KCNK6: variants seen among roughly 807,000 people sequenced by gnomAD.
KCNK6 encodes potassium two pore domain channel subfamily K member 6.
A neutral mutation model predicts 21.9 loss-of-function variants in KCNK6; 20 were observed. That is an observed-to-expected ratio of 0.91 (90% confidence interval 0.64 to 1.32). The LOEUF is 1.32. KCNK6 is among the 40% of genes most tolerant of loss of function. KCNK6 has a pLI of 0.00. For missense variants in KCNK6, 415 were observed against 433.1 expected (o/e 0.96, Z 0.37); for synonymous variants, 210 against 218.0 (o/e 0.96, Z 0.32).
At position 38,319,901 on chromosome 19, in the gene KCNK6, G is replaced by T. The variant is rs1216627127; in HGVS notation, c.-50G>T. ...TAGGTGCCAGACGGTCCGGAGGCGG[G>T]GGCCACGTCAGCGGGGCCACCCAGG... is the stretch of plus-strand genomic sequence containing the variant. On this transcript the variant is annotated 5_prime_UTR_variant, in exon 1 of 3. Transcript: ENST00000263372. 9 of 1,362,460 alleles carry T rather than the reference G, an allele frequency of 6.6e-6. No homozygotes were observed. Among genetic ancestry groups the T allele is most frequent in the Admixed American group, 4.0e-5 (1 of 25,006 alleles). 84.4% of individuals were successfully genotyped at this position (1,362,460 alleles called of 1,614,324 possible). A position where few individuals can be genotyped will look rare whatever the true frequency, so the allele number is the denominator to read the frequency against.
intron 1 of KCNK6, 47 bp downstream of exon 1, chr19:38,320,319 C>T: frequency 2.5e-6 from 4 of 1,592,994 alleles, no homozygotes; most frequent in Non-Finnish European, 3.4e-6. Context: ...GGGATCCCCA[C>T]TTCATCCTTA....
intron 1 of KCNK6, among the ~76,000 whole-genome samples, chr19:38,321,576 C>T (rs944928853): frequency 6.6e-6 from 1 of 152,244 alleles, no homozygotes; most frequent in Admixed American, 6.5e-5. Context: ...GCTCCCCCAG[C>T]CCCTTCTCAG....
At chr19:38,320,300 C>G (rs1969636201) in intron 1 of KCNK6, 28 bp downstream of exon 1, 1 of 1,601,758 alleles carries the variant, frequency 6.2e-7, no homozygotes, top group Non-Finnish European at 8.5e-7. Context: ...CGCAAGGCGG[C>G]GAGGACCCGG....
In KCNK6 at chr19:38,330,495, GGTGTGCAC is replaced by G. The variant is rs1157158328; in HGVS notation, c.*3093_*3100del. 2 of 151,964 alleles carry G rather than the reference GGTGTGCAC, an allele frequency of 1.3e-5. No homozygotes were observed. The highest frequency in any genetic ancestry group is 2.9e-5 in the Non-Finnish European group (2 of 68,072). The allele number at this position is 151,964 out of a possible 1,614,324, so 9.4% of individuals were successfully genotyped here. A position where few individuals can be genotyped will look rare whatever the true frequency, so the allele number is the denominator to read the frequency against. ...AATACAAAAATTAGCTGGGTTTGGT[GGTGTGCAC>G]CTGTGGTCCCAGCTACTCAGGAGGC... On this transcript the variant is annotated 3_prime_UTR_variant, in exon 3 of 3. Transcript: ENST00000263372.
chr19:38,320,896 C>T (rs1011144059), intron 1 of KCNK6, among the ~76,000 whole-genome samples: 1 of 152,148 alleles, frequency 6.6e-6, no homozygotes, highest in South Asian at 2.1e-4. Flanking sequence ...TGACCCGGGT[C>T]TGTCCAGCCC....
chr19:38,323,057 G>A (rs571811080), intron 1 of KCNK6, among the ~76,000 whole-genome samples: 4 of 152,170 alleles, frequency 2.6e-5, no homozygotes, highest in Non-Finnish European at 5.9e-5. Context: ...AGGTTGCAGT[G>A]AGCCGAGATC....
In KCNK6 at chr19:38,327,328, C is replaced by G; in HGVS notation, c.867C>G (p.Ile289Met). The change falls in exon 3 of 3, where the codon ATC becomes ATG. Residue 289 changes from isoleucine (I) to methionine (M), a missense_variant. Transcript: ENST00000263372. ...CGGATGAGGACGATCGGGTGGACAT[C>G]CTGGGCCCCCAGCCGGAGTCGCACC... ...FNADEDDRVD[I>M]LGPQPESHQQ... is the part of the protein sequence containing the mutation. 1 of 1,613,226 alleles carries G rather than the reference C, an allele frequency of 6.2e-7. No individual in the cohort carries two copies.
At chr19:38,323,604 T>A (rs536229340) in intron 1 of KCNK6, among the ~76,000 whole-genome samples, 29 of 152,314 alleles carry the variant, frequency 1.9e-4, no homozygotes, top group Non-Finnish European at 3.8e-4. Flanking sequence ...GAGGAAGGGA[T>A]TGTTTTTTGT....
At chr19:38,320,636 G>A (rs1436705905) in intron 1 of KCNK6, among the ~76,000 whole-genome samples, 1 of 151,860 alleles carries the variant, frequency 6.6e-6, no homozygotes, top group African/African-American at 2.4e-5. Context: ...TCGGATCACG[G>A]CAGCCTCCGC....
chr19:38,329,007 GAA>G lies in KCNK6; in HGVS notation c.*1610_*1611del, dbSNP rs1173228339. 2 of 146,550 alleles carry G rather than the reference GAA, an allele frequency of 1.4e-5. No homozygotes were observed. The highest frequency in any genetic ancestry group is 6.9e-5 in the Admixed American group (1 of 14,434). The allele number at this position is 146,550 out of a possible 1,614,324, so 9.1% of individuals were successfully genotyped here. On this transcript the variant is annotated 3_prime_UTR_variant, in exon 3 of 3. Transcript: ENST00000263372. ...AAGAAAAAGAAAGAAAAGTAAGAAA[GAA>G]AAAAAGAAAAAGAAAGAAAGTAAGT...
chr19:38,327,048 T>A lies in KCNK6; in HGVS notation c.718+60T>A, dbSNP rs1969718528. The A allele has an allele frequency of 3.8e-6, 6 of 1,562,710 alleles. No homozygotes were observed. The Admixed American group carries it at 1.1e-4, about 28-fold the overall frequency. On this transcript the variant is annotated intron_variant, in intron 2 of 2. Transcript: ENST00000263372. The stretch of plus-strand genomic sequence containing the variant: ...GACCTAGCCCTGTCCCTGGGGGAGT[T>A]AAAGGCTCACAGTCCCACTCTGGGA...
At chr19:38,323,481 C>T (rs190328352) in intron 1 of KCNK6, among the ~76,000 whole-genome samples, 1 of 152,226 alleles carries the variant, frequency 6.6e-6, no homozygotes, top group African/African-American at 2.4e-5. Context: ...GGTAGTCCTA[C>T]CCGGAACTGG....
Position 38,330,330 on chromosome 19 carries a change from A to G in KCNK6, c.*2927A>G, listed in dbSNP as rs1969757619. ...GCGAAACAGAGACTCTGTCTCAAAA[A>G]AAAAAAAAAAGTCATAGGGGCTGGG... is the stretch of plus-strand genomic sequence containing the variant. On this transcript the variant is annotated 3_prime_UTR_variant, in exon 3 of 3. Coordinates refer to ENST00000263372, the MANE Select transcript of KCNK6 (RefSeq NM_004823.3). 6.6e-6 allele frequency: 1 copy of G among 151,824 alleles called. No homozygotes were observed. The highest frequency in any genetic ancestry group is 2.4e-5 in the African/African-American group (1 of 41,254). 9.4% of individuals were successfully genotyped at this position (151,824 alleles called of 1,614,324 possible). A position where few individuals can be genotyped will look rare whatever the true frequency, so the allele number is the denominator to read the frequency against.
At position 38,327,689 on chromosome 19, in the gene KCNK6, C is replaced by G; in HGVS notation, c.*286C>G. On this transcript the variant is annotated 3_prime_UTR_variant, in exon 3 of 3. Transcript: ENST00000263372. ...TGGCTCTCTGGCATTCTCGCTGCCT[C>G]TGTCTTTCCCTCTTGCTGTCTCTGT... 1 of 478,742 alleles carries G rather than the reference C, an allele frequency of 2.1e-6. No individual in the cohort carries two copies. The allele number at this position is 478,742 out of a possible 1,614,324, so 29.7% of individuals were successfully genotyped here. A position where few individuals can be genotyped will look rare whatever the true frequency, so the allele number is the denominator to read the frequency against.
chr19:38,320,206 G>A lies in KCNK6; in HGVS notation c.256G>A (p.Ala86Thr), dbSNP rs958418489. ...TGCTAACGCTTCGGGGTCCGCCAACGCCTCGGACCCCGCCTGGGACTTCGC... is the reference window on the plus strand; with the variant it reads ...TGCTAACGCTTCGGGGTCCGCCAACACCTCGGACCCCGCCTGGGACTTCGC... Reference protein sequence around the residue: ...VLANASGSANASDPAWDFASA... With the variant: ...VLANASGSANTSDPAWDFASA... Residue 86 changes from alanine to threonine, a missense_variant, in exon 1 of 3, where the codon GCC becomes ACC. Physicochemically the swap from Ala to Thr is moderately conservative, Grantham distance 58. Coordinates refer to ENST00000263372, the MANE Select transcript of KCNK6 (RefSeq NM_004823.3). 2 of 1,602,624 alleles carry A rather than the reference G, an allele frequency of 1.2e-6. No individual in the cohort carries two copies. Among genetic ancestry groups the A allele is most frequent in the African/African-American group, 2.7e-5 (2 of 74,758 alleles).
intron 1 of KCNK6, chr19:38,325,509 A>C: frequency 1.0e-6 from 1 of 985,458 alleles, no homozygotes; most frequent in South Asian, 4.7e-5. Context: ...GTACTGATCG[A>C]GCGCCCACAG....
At position 38,327,232 on chromosome 19, in the gene KCNK6, C is replaced by T. The variant is rs773505819; in HGVS notation, c.771C>T (p.Arg257=). Reference sequence around the variant, plus strand: ...TGGTGCTGGTGCTGCAGACCTTCCGCCACGTGTCCGACCTCCACGGCCTCA... The same window carrying T: ...TGGTGCTGGTGCTGCAGACCTTCCGTCACGTGTCCGACCTCCACGGCCTCA... ...VAMVLVLQTF[R]HVSDLHGLTE... Residue 257 remains arginine, a synonymous_variant, in exon 3 of 3, where the codon CGC becomes CGT. Coordinates refer to ENST00000263372, the MANE Select transcript of KCNK6 (RefSeq NM_004823.3). 6.2e-7 allele frequency: 1 copy of T among 1,613,596 alleles called. No individual in the cohort carries two copies. The highest frequency in any genetic ancestry group is 2.2e-5 in the East Asian group (1 of 44,892).
At chr19:38,320,546 C>CTTTTTTTTT (rs35248793) in intron 1 of KCNK6, among the ~76,000 whole-genome samples, 1 of 145,740 alleles carries the variant, frequency 6.9e-6, no homozygotes, top group Non-Finnish European at 1.5e-5. Context: ...GTTCCTCGGT[C>CTTTTTTTTT]TTTTTTTTTT....
chr19:38,320,985 C>A (rs1422217209), intron 1 of KCNK6, among the ~76,000 whole-genome samples: 1 of 152,164 alleles, frequency 6.6e-6, no homozygotes, highest in East Asian at 1.9e-4. Context: ...ATCCTTGCCC[C>A]CTCTGGACCC....
Sources: allele counts gnomAD v4.1 joint callset (sites outside exome capture counted in the v4.1 genomes callset), GRCh38; gene constraint gnomAD v4.1.1; transcripts MANE v1.5; gene names NCBI Gene and HGNC (gene_info 2026-07-23, HGNC 2026-07-21).